NR1H2: variants seen among roughly 807,000 people sequenced by gnomAD.
NR1H2 encodes nuclear receptor subfamily 1 group H member 2.
Under a neutral mutation model 51.2 loss-of-function variants are expected in NR1H2, and 33 were observed. That is an observed-to-expected ratio of 0.64 (90% CI 0.49 to 0.86). The LOEUF (loss-of-function observed/expected upper bound fraction) is 0.86, where lower values mean the gene tolerates loss of function less well. Among genes scored for constraint, NR1H2 ranks in the 40% least tolerant of loss-of-function variants. NR1H2 has a pLI of 0.00. For synonymous variants in NR1H2, 310 were observed against 264.3 expected, an observed-to-expected ratio of 1.17 and a Z score of -1.68; for missense variants, 592 against 639.9, an observed-to-expected ratio of 0.93 and a Z score of 0.81.
rs775074709 is a variant in NR1H2 at position 50,378,135 on chromosome 19, C to T, written c.182-14C>T. 5 of 1,601,812 alleles carry T rather than the reference C, an allele frequency of 3.1e-6. No individual in the cohort carries two copies. The Admixed American group carries it at 5.1e-5, about 16-fold the overall frequency. On this transcript the variant is annotated splice_polypyrimidine_tract_variant and intron_variant, in intron 4 of 9. Transcript: ENST00000253727. Reference sequence around the variant, plus strand: ...CCTTGTGGCTTTCTCATGGCCTCTACCTACCCACCCCAGTCATCCCAGATC... The same window carrying T: ...CCTTGTGGCTTTCTCATGGCCTCTATCTACCCACCCCAGTCATCCCAGATC...
intron 9 of NR1H2, 105 bp downstream of exon 9, chr19:50,382,279 T>C: frequency 1.5e-6 from 2 of 1,350,280 alleles, no homozygotes; most frequent in Non-Finnish European, 2.0e-6. Flanking sequence ...CTCCGCAGAG[T>C]CTTTCCTCAG....
At chr19:50,380,009 G>C in intron 8 of NR1H2, 130 bp downstream of exon 8, 3 of 692,216 alleles carry the variant, frequency 4.3e-6, no homozygotes, top group South Asian at 3.2e-5. Flanking sequence ...GCCAAGGTGA[G>C]AGTGAGGTAA....
intron 7 of NR1H2, among the ~76,000 whole-genome samples, chr19:50,379,483 T>A (rs1001001507): frequency 1.2e-4 from 18 of 152,144 alleles, no homozygotes; most frequent in African/African-American, 4.1e-4. Context: ...CTATTCCAAG[T>A]GTTGGCATAT....
In NR1H2 at chr19:50,382,204, C is replaced by G. The variant is rs767934395; in HGVS notation, c.1236+30C>G. 29 of 1,489,378 alleles carry G rather than the reference C, an allele frequency of 1.9e-5. No homozygotes were observed. The African/African-American group carries it at 3.3e-4, about 17-fold the overall frequency. The allele number at this position is 1,489,378 out of a possible 1,614,324, so 92.3% of individuals were successfully genotyped here. A position where few individuals can be genotyped will look rare whatever the true frequency, so the allele number is the denominator to read the frequency against. ...GGCCCCGCAGAGCCTCTGCGCAGAG[C>G]CAACTACGTCCCGCGGCCCACGTGG... is the stretch of plus-strand genomic sequence containing the variant. On this transcript the variant is annotated intron_variant, in intron 9 of 9. Transcript: ENST00000253727.
Position 50,378,309 on chromosome 19 carries a change from T to C in NR1H2, c.342T>C (p.Ser114=). 2.5e-6 allele frequency: 4 copies of C among 1,613,240 alleles called. No homozygotes were observed. Among genetic ancestry groups the C allele is most frequent in the Non-Finnish European group, 3.4e-6 (4 of 1,179,996 alleles). ...CEGCKGFFRR[S]VVRGGARRYA... is the part of the protein sequence containing the mutation. ...GCTGCAAGGGCTTCTTCCGGCGCAGTGTGGTCCGTGGTGGGGCCAGGCGCT... is the reference window on the plus strand; with the variant it reads ...GCTGCAAGGGCTTCTTCCGGCGCAGCGTGGTCCGTGGTGGGGCCAGGCGCT... Residue 114 remains serine (S), a synonymous_variant, in exon 5 of 10, where the codon AGT becomes AGC. Coordinates refer to ENST00000253727, the MANE Select transcript of NR1H2 (RefSeq NM_007121.7).
At chr19:50,378,024 T>A in intron 4 of NR1H2, 125 bp from the exon 5 acceptor site, 1 of 1,410,892 alleles carries the variant, frequency 7.1e-7, no homozygotes. Flanking sequence ...TTTCCCTGAA[T>A]GTGAGCAGCA....
chr19:50,377,969 T>C, intron 4 of NR1H2, 99 bp downstream of exon 4: 2 of 1,467,666 alleles, frequency 1.4e-6, no homozygotes, highest in Non-Finnish European at 1.8e-6. Flanking sequence ...TCTTTGCTTT[T>C]TGTTCTTGCT....
rs952247086 is a variant in NR1H2 at position 50,382,320 on chromosome 19, T to C, written c.1237-136T>C. 1.7e-5 allele frequency: 23 copies of C among 1,351,616 alleles called. No individual in the cohort carries two copies. In the Admixed American group the frequency reaches 5.4e-4, roughly 32 times the overall value. The allele number at this position is 1,351,616 out of a possible 1,614,324, so 83.7% of individuals were successfully genotyped here. On this transcript the variant is annotated intron_variant, in intron 9 of 9. Coordinates refer to ENST00000253727, the MANE Select transcript of NR1H2 (RefSeq NM_007121.7). The stretch of plus-strand genomic sequence containing the variant: ...ACCCTGCTCGACTGGGAGCCAGGTC[T>C]AGTCCAAGCACAGAGGCGGGCCCCA...
Position 50,382,053 on chromosome 19 carries a change from T to C in NR1H2, c.1115T>C (p.Leu372Pro). The change falls in exon 9 of 10, where the codon CTC becomes CCC. Residue 372 changes from leucine (L) to proline (P), a missense_variant. By Grantham distance (98) the Leu-to-Pro change is moderately conservative. Coordinates refer to ENST00000253727, the MANE Select transcript of NR1H2 (RefSeq NM_007121.7). ...CTGGACGACGCTGAGTACGCCCTGC[T>C]CATCGCCATCAACATCTTCTCGGCC... ...LGLDDAEYAL[L>P]IAINIFSADR... The C allele has an allele frequency of 6.4e-7, 1 of 1,559,692 alleles. No homozygotes were observed. The highest frequency in any genetic ancestry group is 8.7e-7 in the Non-Finnish European group (1 of 1,151,856).
chr19:50,379,292 A>G (rs2037726194), intron 7 of NR1H2, 111 bp downstream of exon 7: 2 of 1,181,764 alleles, frequency 1.7e-6, no homozygotes, highest in Admixed American at 2.6e-5. Context: ...TTCCACGGCG[A>G]ATAGAGTCTT....
rs73932492 is a variant in NR1H2, at chr19:50,381,938, G to A, written c.1028-28G>A. 6,045 of 1,532,630 alleles carry A rather than the reference G, an allele frequency of 3.9e-3. 162 individuals carry two copies. The African/African-American group carries it at 0.067, about 17-fold the overall frequency. 94.9% of individuals were successfully genotyped at this position (1,532,630 alleles called of 1,614,324 possible). On this transcript the variant is annotated intron_variant, in intron 8 of 9. Transcript: ENST00000253727. ...TGTGGGGCACGGTTTCGGGCTGAGGGAGTCACGGGCTGCCTCCCGCCCCGC... is the reference window on the plus strand; with the variant it reads ...TGTGGGGCACGGTTTCGGGCTGAGGAAGTCACGGGCTGCCTCCCGCCCCGC...
Position 50,378,330 on chromosome 19 carries a change from GC to G in NR1H2, c.364del (p.Arg122AlafsTer33). ...GCAGTGTGGTCCGTGGTGGGGCCAG[GC>G]GCTATGCCTGCCGGGGTGGCGGAAC... ...RRSVVRGGAR[R>X]YACRGGGTCQ... On this transcript the variant is annotated frameshift_variant, in exon 5 of 10. Coordinates refer to ENST00000253727, the MANE Select transcript of NR1H2 (RefSeq NM_007121.7). LOFTEE classifies it high-confidence loss of function. The G allele has an allele frequency of 1.9e-6, 3 of 1,612,752 alleles. No homozygotes were observed. Among genetic ancestry groups the G allele is most frequent in the Non-Finnish European group, 2.5e-6 (3 of 1,179,776 alleles).
In NR1H2 at chr19:50,382,093, G is replaced by A. The variant is rs1359375583; in HGVS notation, c.1155G>A (p.Val385=). Residue 385 remains valine (V), a synonymous_variant, in exon 9 of 10, where the codon GTG becomes GTA. Transcript: ENST00000253727. ...TCTTCTCGGCCGACCGGCCCAACGT[G>A]CAGGAGCCGGGCCGCGTGGAGGCGT... ...INIFSADRPN[V]QEPGRVEALQ... 1 of 1,548,804 alleles carries A rather than the reference G, an allele frequency of 6.5e-7. No homozygotes were observed. The highest frequency in any genetic ancestry group is 8.7e-7 in the Non-Finnish European group (1 of 1,147,388).
rs1327350281 is a variant in NR1H2 at position 50,377,631 on chromosome 19, T to A, written c.26T>A (p.Leu9Gln). The A allele has an allele frequency of 6.2e-7, 1 of 1,613,740 alleles. No individual in the cohort carries two copies. Among genetic ancestry groups the A allele is most frequent in the African/African-American group, 1.3e-5 (1 of 74,882 alleles). The change falls in exon 3 of 10, where the codon CTG (leucine) becomes CAG (glutamine). Residue 9 changes from leucine (L) to glutamine (Q), a missense_variant. Physicochemically the swap from Leu to Gln is moderately radical, Grantham distance 113. Transcript: ENST00000253727. ...ATGTCCTCTCCTACCACGAGTTCCC[T>A]GGATACCCCCCTGCCTGGTGAGTGA... MSSPTTSS[L>Q]DTPLPGNGPP... is the part of the protein sequence containing the mutation.
At chr19:50,377,919 G>A (rs2037695492) in intron 4 of NR1H2, 49 bp downstream of exon 4, 16 of 1,508,008 alleles carry the variant, frequency 1.1e-5, no homozygotes, top group Non-Finnish European at 1.4e-5. Flanking sequence ...AGGGGTTTAG[G>A]AAGGGAGAAA....
rs73932494 is a variant in NR1H2 at position 50,383,002 on chromosome 19, T to C, written c.*400T>C. On this transcript the variant is annotated 3_prime_UTR_variant, in exon 10 of 10. Transcript: ENST00000253727. ...CAGAAACAGGAAAATAAAATATGAA[T>C]ACAATCCAGCCCGGAGCTGGAGTGC... is the stretch of plus-strand genomic sequence containing the variant. 0.016 allele frequency: 2,588 copies of C among 157,592 alleles called. 71 individuals carry two copies. The highest frequency in any genetic ancestry group is 0.058 in the African/African-American group (2,423 of 41,674). The allele number at this position is 157,592 out of a possible 1,614,324, so 9.8% of individuals were successfully genotyped here.
In NR1H2 at chr19:50,377,759, C is replaced by T. The variant is rs760409962; in HGVS notation, c.70C>T (p.Pro24Ser). 17 of 1,608,910 alleles carry T rather than the reference C, an allele frequency of 1.1e-5. No homozygotes were observed. The highest frequency in any genetic ancestry group is 1.7e-5 in the Admixed American group (1 of 58,904). ...PGNGPPQPGA[P>S]SSSPTVKEEG... The stretch of plus-strand genomic sequence containing the variant: ...AAATGGCCCCCCTCAGCCTGGCGCC[C>T]CTTCTTCTTCACCCACTGTAAAGGA... Residue 24 changes from proline to serine, a missense_variant, in exon 4 of 10, where the codon CCT (proline) becomes TCT (serine). This residue lies in a region of NR1H2 where 316 missense variants were observed against 313.4 expected (regional missense o/e 1.01). Coordinates refer to ENST00000253727, the MANE Select transcript of NR1H2 (RefSeq NM_007121.7).
rs1231635047 is a variant in NR1H2 at position 50,379,123 on chromosome 19, G to C, written c.869G>C (p.Gly290Ala). 1.2e-6 allele frequency: 2 copies of C among 1,613,914 alleles called. No individual in the cohort carries two copies. The highest frequency in any genetic ancestry group is 1.7e-6 in the Non-Finnish European group (2 of 1,180,040). ...EIVDFAKQVP[G>A]FLQLGREDQI... is the part of the protein sequence containing the mutation. ...GTGGACTTCGCTAAGCAAGTGCCTG[G>C]TTTCCTGCAGCTGGGCCGGGAGGAC... The change falls in exon 7 of 10, where the codon GGT (glycine) becomes GCT (alanine). Residue 290 changes from glycine to alanine, a missense_variant. Physicochemically the swap from Gly to Ala is moderately conservative, Grantham distance 60. This residue lies in a region of NR1H2 where 102 missense variants were observed against 152.4 expected (regional missense o/e 0.67). Coordinates refer to ENST00000253727, the MANE Select transcript of NR1H2 (RefSeq NM_007121.7).
chr19:50,378,844 A>G, intron 6 of NR1H2, 48 bp downstream of exon 6: 1 of 1,588,874 alleles, frequency 6.3e-7, no homozygotes. Context: ...AATGGGGTAG[A>G]GCCAGCTGGG....
Sources: allele counts gnomAD v4.1 joint callset (sites outside exome capture counted in the v4.1 genomes callset), GRCh38; gene constraint gnomAD v4.1.1; regional missense constraint gnomAD v4.1.1; transcripts MANE v1.5; gene names NCBI Gene and HGNC (gene_info 2026-07-23, HGNC 2026-07-21).